The following IQSEC3 variants were observed in gnomAD, a reference collection of about 807,000 sequenced individuals.
IQSEC3 encodes IQ motif and SEC7 domain-containing protein 3.
IQSEC3 carries 50 observed loss-of-function variants against 105.4 expected under a neutral mutation model. That is an observed-to-expected ratio of 0.47 (90% CI 0.38 to 0.60). The LOEUF (loss-of-function observed/expected upper bound fraction) is 0.60. Ranked by LOEUF, IQSEC3 falls within the 20% of genes least tolerant of loss-of-function variation. The pLI, the probability that IQSEC3 is intolerant of heterozygous loss-of-function variation, is 0.00. For synonymous variants in IQSEC3, 708 were observed against 746.0 expected (o/e 0.95, Z 0.83); for missense variants, 1,415 against 1,630.0 (o/e 0.87, Z 2.27).
chr12:127,024 T>C (rs1865438099), intron 3 of IQSEC3, among the ~76,000 whole-genome samples: 1 of 152,064 alleles, frequency 6.6e-6, no homozygotes, highest in Non-Finnish European at 1.5e-5. Flanking sequence ...ACTAACAATA[T>C]AGTAAGGAGG....
intron 5 of IQSEC3, among the ~76,000 whole-genome samples, chr12:155,400 G>T (rs1353841049): frequency 6.6e-6 from 1 of 152,240 alleles, no homozygotes; most frequent in African/African-American, 2.4e-5. Flanking sequence ...ATAGCCTGAA[G>T]ATGGCCATGG....
At chr12:174,472 A>G (rs1939165649) in intron 13 of IQSEC3, 127 bp from the exon 14 acceptor site, 3 of 850,018 alleles carry the variant, frequency 3.5e-6, no homozygotes, top group Non-Finnish European at 5.2e-6. Context: ...GGGTGGAGAG[A>G]TGGCGAGAGG....
At position 175,000 on chromosome 12, in the gene IQSEC3, C is replaced by T. The variant is rs751174912; in HGVS notation, c.3516C>T (p.His1172=). 30 of 1,573,666 alleles carry T rather than the reference C, an allele frequency of 1.9e-5. No individual in the cohort carries two copies. Among genetic ancestry groups the T allele is most frequent in the Non-Finnish European group, 2.4e-5 (28 of 1,168,146 alleles). The change falls in exon 14 of 14, where the codon CAC becomes CAT. Residue 1172 remains histidine, a synonymous_variant. Coordinates refer to ENST00000538872, the MANE Select transcript of IQSEC3 (RefSeq NM_001170738.2). ...FCPPGSLLHG[H]RYSSGSRSLV ...CCCCAGGCTCCCTGCTGCACGGGCA[C>T]CGCTACTCCAGTGGCTCAAGGAGCC... is the stretch of plus-strand genomic sequence containing the variant.
At chr12:171,212 C>G (rs782176579) in intron 13 of IQSEC3, 51 bp downstream of exon 13, 19 of 1,612,758 alleles carry the variant, frequency 1.2e-5, no homozygotes, top group South Asian at 7.7e-5. Flanking sequence ...CCCCCTTGTT[C>G]TTCTTCTCAC....
chr12:94,712 C>T (rs1259380766), intron 1 of IQSEC3, among the ~76,000 whole-genome samples: 1 of 152,240 alleles, frequency 6.6e-6, no homozygotes, highest in Non-Finnish European at 1.5e-5. Context: ...TGCCTGCCCT[C>T]AGTGTCTGGA....
intron 13 of IQSEC3, among the ~76,000 whole-genome samples, chr12:173,009 G>A (rs761112925): frequency 6.6e-5 from 10 of 152,152 alleles, no homozygotes; most frequent in Admixed American, 2.0e-4. Context: ...GGGAGAGGCC[G>A]CTGCGAAGTC....
intron 1 of IQSEC3, among the ~76,000 whole-genome samples, chr12:76,509 C>T (rs1351266625): frequency 8.5e-5 from 13 of 152,280 alleles, no homozygotes; most frequent in Non-Finnish European, 1.5e-5. Context: ...CCCAATGACC[C>T]CTGGCCTGGT....
intron 6 of IQSEC3, 35 bp from the exon 7 acceptor site, chr12:157,493 G>T: frequency 6.3e-7 from 1 of 1,589,524 alleles, no homozygotes; most frequent in Non-Finnish European, 8.6e-7. Context: ...GTGGGCGGGG[G>T]CTCAGCGTCC....
chr12:81,984 G>T (rs1565381723), intron 1 of IQSEC3, among the ~76,000 whole-genome samples: 1 of 152,136 alleles, frequency 6.6e-6, no homozygotes, highest in Non-Finnish European at 1.5e-5. Context: ...ACCTTGAAAA[G>T]CATAGTCTTG....
intron 1 of IQSEC3, among the ~76,000 whole-genome samples, chr12:75,992 G>A (rs538543813): frequency 6.6e-6 from 1 of 152,332 alleles, no homozygotes; most frequent in African/African-American, 2.4e-5. Flanking sequence ...GCTATGAGCA[G>A]GGAGAGCCCT....
rs782643208 is a variant in IQSEC3, at chr12:99,230, C to A, written c.623+16C>A. 2 of 1,595,244 alleles carry A rather than the reference C, an allele frequency of 1.3e-6. No homozygotes were observed. Among genetic ancestry groups the A allele is most frequent in the African/African-American group, 2.7e-5 (2 of 74,874 alleles). ...CCTCCCAAAGGTGGGAACTGTGGCC[C>A]TTCCTCCCTTCCGCATCCCCACCTT... On this transcript the variant is annotated intron_variant, in intron 2 of 13. Coordinates refer to ENST00000538872, the MANE Select transcript of IQSEC3 (RefSeq NM_001170738.2).
At chr12:157,382 G>T in intron 6 of IQSEC3, 146 bp from the exon 7 acceptor site, 2 of 1,133,764 alleles carry the variant, frequency 1.8e-6, no homozygotes, top group Non-Finnish European at 2.4e-6. Flanking sequence ...TGGGGAAAAA[G>T]ACCAGAGTAT....
At chr12:74,577 C>T (rs1384335543) in intron 1 of IQSEC3, among the ~76,000 whole-genome samples, 5 of 152,270 alleles carry the variant, frequency 3.3e-5, no homozygotes, top group East Asian at 1.9e-4. Flanking sequence ...TGAGCGGCAC[C>T]TTTCCTCCCT....
At chr12:79,023 C>T (rs1418104038) in intron 1 of IQSEC3, among the ~76,000 whole-genome samples, 8 of 152,234 alleles carry the variant, frequency 5.3e-5, no homozygotes, top group Non-Finnish European at 1.0e-4. Context: ...CTTCCCTTCC[C>T]TTGCCTTCCA....
chr12:166,001 C>G, intron 11 of IQSEC3, 111 bp downstream of exon 11: 1 of 1,250,204 alleles, frequency 8.0e-7, no homozygotes, highest in Non-Finnish European at 1.1e-6. Flanking sequence ...ACTTCGGACC[C>G]TCCCCGTGTC....
At chr12:112,850 G>A (rs1215044676) in intron 2 of IQSEC3, among the ~76,000 whole-genome samples, 4 of 152,120 alleles carry the variant, frequency 2.6e-5, no homozygotes, top group East Asian at 1.9e-4. Flanking sequence ...GAAGCCCTCT[G>A]TAGGCCTGTG....
In IQSEC3 at chr12:125,834, T is replaced by A. The variant is rs782298200; in HGVS notation, c.825T>A (p.Pro275=). The part of the protein sequence containing the change: ...QHKASPGRQQ[P]ALATALCPHA... ...AGGCCTCCCCCGGCCGGCAGCAGCC[T>A]GCCCTGGCGACGGCGCTGTGCCCCC... Residue 275 remains proline, a synonymous_variant, in exon 3 of 14, where the codon CCT becomes CCA. Transcript: ENST00000538872. 6.5e-7 allele frequency: 1 copy of A among 1,531,548 alleles called. No individual in the cohort carries two copies. 94.9% of individuals were successfully genotyped at this position (1,531,548 alleles called of 1,614,324 possible).
intron 13 of IQSEC3, among the ~76,000 whole-genome samples, chr12:174,305 T>C (rs1014449778): frequency 2.0e-5 from 3 of 152,058 alleles, no homozygotes; most frequent in Non-Finnish European, 4.4e-5. Flanking sequence ...AGCAGGTCCA[T>C]GAAATCAGGC....
intron 8 of IQSEC3, 90 bp from the exon 9 acceptor site, chr12:163,404 G>C: frequency 1.8e-6 from 2 of 1,137,596 alleles, no homozygotes; most frequent in Non-Finnish European, 1.1e-6. Flanking sequence ...CCCCTCTCCC[G>C]GGCTGTCTCC....
Sources: allele counts gnomAD v4.1 joint callset (sites outside exome capture counted in the v4.1 genomes callset), GRCh38; gene constraint gnomAD v4.1.1; transcripts MANE v1.5; gene names NCBI Gene and HGNC (gene_info 2026-07-23, HGNC 2026-07-21).